Variants in CSMD2 observed in about 807,000 individuals in gnomAD.
The protein encoded by CSMD2 is CUB and sushi domain-containing protein 2.
Under a neutral mutation model 398.5 loss-of-function variants are expected in CSMD2, and 130 were observed. That is an observed-to-expected ratio of 0.33 (90% CI 0.28 to 0.38). The LOEUF (loss-of-function observed/expected upper bound fraction) is 0.38, where lower values mean the gene tolerates loss of function less well. Among genes scored for constraint, CSMD2 ranks in the 10% least tolerant of loss-of-function variants. The pLI is 1.00. For missense variants in CSMD2, 3,829 were observed against 4,764.9 expected, an observed-to-expected ratio of 0.80 and a Z score of 5.78; for synonymous variants, 1,828 against 1,908.5, an observed-to-expected ratio of 0.96 and a Z score of 1.10.
chr1:34,017,535 T>C (rs1251733474), intron 3 of CSMD2, among the ~76,000 whole-genome samples: 1 of 152,166 alleles, frequency 6.6e-6, no homozygotes, highest in African/African-American at 2.4e-5. Flanking sequence ...GATGGAAGGA[T>C]CATTTGAGCC....
chr1:33,898,890 G>T (rs1642568010), intron 5 of CSMD2, among the ~76,000 whole-genome samples: 2 of 152,186 alleles, frequency 1.3e-5, no homozygotes, highest in Admixed American at 1.3e-4. Flanking sequence ...ACTTGATGGA[G>T]CTTGACAGAT....
chr1:33,527,136 GCTAA>G (rs1654846145), intron 65 of CSMD2, 56 bp downstream of exon 65: 5 of 1,454,078 alleles, frequency 3.4e-6, no homozygotes, highest in East Asian at 2.3e-5. Flanking sequence ...GAGTTTTCTG[GCTAA>G]CTGTGTGAAA....
chr1:33,578,686 A>C (rs570218201), intron 48 of CSMD2, among the ~76,000 whole-genome samples: 1 of 152,334 alleles, frequency 6.6e-6, no homozygotes, highest in South Asian at 2.1e-4. Flanking sequence ...GCCAGGAAAG[A>C]GGGATGACCA....
chr1:33,928,286 G>A (rs1644195727), intron 4 of CSMD2, among the ~76,000 whole-genome samples: 2 of 152,196 alleles, frequency 1.3e-5, no homozygotes, highest in African/African-American at 4.8e-5. Context: ...TTCCTCACTT[G>A]TAAGAGGAGA....
intron 15 of CSMD2, among the ~76,000 whole-genome samples, chr1:33,738,608 CTG>C (rs1646955984): frequency 6.6e-6 from 1 of 152,186 alleles, no homozygotes; most frequent in Admixed American, 6.5e-5. Context: ...CTGCTGCAAG[CTG>C]TGTTTCTTCT....
At chr1:34,077,456 C>CAAAAA (rs34856451) in intron 2 of CSMD2, among the ~76,000 whole-genome samples, 5 of 28,478 alleles carry the variant, frequency 1.8e-4, no homozygotes, top group Non-Finnish European at 2.5e-4. Flanking sequence ...AACTCCGTCT[C>CAAAAA]AAAAAAAAAA....
intron 3 of CSMD2, among the ~76,000 whole-genome samples, chr1:33,996,927 T>C (rs1420466638): frequency 6.6e-6 from 1 of 152,128 alleles, no homozygotes; most frequent in African/African-American, 2.4e-5. Context: ...TCTTTGCACA[T>C]ATTATCTCAT....
intron 13 of CSMD2, among the ~76,000 whole-genome samples, chr1:33,764,080 A>C (rs1393188002): frequency 2.0e-5 from 3 of 152,116 alleles, no homozygotes; most frequent in Admixed American, 1.3e-4. Flanking sequence ...TCAATCCAGA[A>C]TCTTCCTTCC....
At chr1:33,596,874 A>T (rs1639874691) in intron 44 of CSMD2, among the ~76,000 whole-genome samples, 1 of 152,248 alleles carries the variant, frequency 6.6e-6, no homozygotes, top group Admixed American at 6.5e-5. Context: ...GGACTGAATT[A>T]TTCAAGTGGG....
intron 19 of CSMD2, among the ~76,000 whole-genome samples, chr1:33,722,107 T>G (rs1194548803): frequency 6.6e-6 from 1 of 152,230 alleles, no homozygotes; most frequent in Non-Finnish European, 1.5e-5. Flanking sequence ...TCCTTATTGA[T>G]GGACATTTTA....
intron 3 of CSMD2, among the ~76,000 whole-genome samples, chr1:33,984,836 G>GAGGAAGGAAGGA (rs762634602): frequency 6.7e-6 from 1 of 148,806 alleles, no homozygotes; most frequent in South Asian, 2.2e-4. Flanking sequence ...AGGAGGGAAG[G>GAGGAAGGAAGGA]AGGAAGGAAG....
intron 15 of CSMD2, among the ~76,000 whole-genome samples, chr1:33,729,688 G>T (rs1215418673): frequency 1.3e-5 from 2 of 151,440 alleles, no homozygotes; most frequent in East Asian, 1.9e-4. Flanking sequence ...ATTCTTAAAT[G>T]CAATGTCTCT....
At position 33,646,224 on chromosome 1, in the gene CSMD2, A is replaced by C. The variant is rs192951650; in HGVS notation, c.4774+424T>G. Reference sequence around the variant, plus strand: ...GACCCTAGGATTAGATGGGCTGTCCATAGGGATGTTGAAGTTACCCAGGAT... The same window carrying C: ...GACCCTAGGATTAGATGGGCTGTCCCTAGGGATGTTGAAGTTACCCAGGAT... On this transcript the variant is annotated intron_variant, in intron 29 of 70. Coordinates refer to ENST00000373381, the MANE Select transcript of CSMD2 (RefSeq NM_001281956.2). Among the ~76,000 whole-genome samples the C allele has an allele frequency of 2.3e-3, 345 of 152,336 alleles. 3 individuals carry two copies. Among genetic ancestry groups the C allele is most frequent in the African/African-American group, 7.9e-3 (329 of 41,578 alleles).
At chr1:34,146,575 T>C (rs1639785463) in intron 1 of CSMD2, among the ~76,000 whole-genome samples, 1 of 152,070 alleles carries the variant, frequency 6.6e-6, no homozygotes, top group Non-Finnish European at 1.5e-5. Flanking sequence ...TTCCAACTGT[T>C]CAGGAGAAAA....
At position 33,879,456 on chromosome 1, in the gene CSMD2, G is replaced by C. The variant is rs375853869; in HGVS notation, c.921-32460C>G. Among the ~76,000 whole-genome samples the C allele has an allele frequency of 7.2e-5, 11 of 152,288 alleles. No homozygotes were observed. In the South Asian group the frequency reaches 2.3e-3, roughly 32 times the overall value. On this transcript the variant is annotated intron_variant, in intron 5 of 70. Coordinates refer to ENST00000373381, the MANE Select transcript of CSMD2 (RefSeq NM_001281956.2). ...TGGACTTTGGGCCTACTCTCCCAAGGGTTGGGATTTATCTTCCCCATATCT... is the reference window on the plus strand; with the variant it reads ...TGGACTTTGGGCCTACTCTCCCAAGCGTTGGGATTTATCTTCCCCATATCT...
intron 2 of CSMD2, among the ~76,000 whole-genome samples, chr1:34,081,499 G>T (rs935753862): frequency 3.0e-4 from 46 of 150,932 alleles, no homozygotes; most frequent in African/African-American, 9.5e-4. Flanking sequence ...CCGTGATCTC[G>T]GCTCACTGCA....
intron 3 of CSMD2, among the ~76,000 whole-genome samples, chr1:33,959,908 C>T (rs1163702121): frequency 6.6e-6 from 1 of 152,202 alleles, no homozygotes; most frequent in Admixed American, 6.5e-5. Context: ...TCAACCTCTA[C>T]AAGGGCAGCG....
chr1:34,091,803 GTA>G (rs1490570676), intron 1 of CSMD2, among the ~76,000 whole-genome samples: 2 of 152,102 alleles, frequency 1.3e-5, no homozygotes, highest in Non-Finnish European at 2.9e-5. Context: ...ACTCTACATT[GTA>G]CTTAAGGTGA....
chr1:33,974,080 T>C (rs954283807), intron 3 of CSMD2, among the ~76,000 whole-genome samples: 1 of 152,212 alleles, frequency 6.6e-6, no homozygotes, highest in Non-Finnish European at 1.5e-5. Flanking sequence ...TTTGCCTACC[T>C]TAAGGGCAGC....
Sources: gnomAD v4.1 joint callset for allele counts (sites outside exome capture counted in the v4.1 genomes callset) on GRCh38, gnomAD v4.1.1 for gene constraint, MANE v1.5 for transcripts, NCBI Gene and HGNC (gene_info 2026-07-23, HGNC 2026-07-21) for gene names.